Variants in EXOC6B observed in about 807,000 individuals in gnomAD.
The protein encoded by EXOC6B is exocyst complex component 6B.
EXOC6B carries 54 observed loss-of-function variants against 113.5 expected under a neutral mutation model. The observed-to-expected ratio is 0.48, with a 90% CI of 0.38 to 0.60. The LOEUF (loss-of-function observed/expected upper bound fraction) is 0.60. Ranked by LOEUF, EXOC6B falls within the 20% of genes least tolerant of loss-of-function variation. EXOC6B has a pLI of 0.00. For synonymous variants in EXOC6B, 357 were observed against 339.0 expected (o/e 1.05, Z -0.58); for missense variants, 797 against 977.5 (o/e 0.82, Z 2.46).
At chr2:72,608,217 T>C (rs2104060453) in intron 6 of EXOC6B, among the ~76,000 whole-genome samples, 1 of 152,134 alleles carries the variant, frequency 6.6e-6, no homozygotes, top group Admixed American at 6.5e-5. Flanking sequence ...TTTAAGGAAT[T>C]TGGAAAAGCC....
chr2:72,234,524 C>T (rs1681834004), intron 20 of EXOC6B, among the ~76,000 whole-genome samples: 1 of 152,098 alleles, frequency 6.6e-6, no homozygotes, highest in South Asian at 2.1e-4. Flanking sequence ...ATTATGAAAA[C>T]ACCAAAAGCA....
chr2:72,690,658 A>T (rs1047148089), intron 6 of EXOC6B, among the ~76,000 whole-genome samples: 10 of 152,194 alleles, frequency 6.6e-5, no homozygotes, highest in African/African-American at 2.4e-4. Flanking sequence ...CTAAATATAG[A>T]GCCTGTTATA....
intron 20 of EXOC6B, among the ~76,000 whole-genome samples, chr2:72,212,245 T>A (rs745921324): frequency 3.9e-5 from 6 of 152,174 alleles, no homozygotes; most frequent in Non-Finnish European, 8.8e-5. Flanking sequence ...TGTAATGGTA[T>A]CCACCAGCTA....
chr2:72,340,053 C>T (rs1272463371), intron 19 of EXOC6B, among the ~76,000 whole-genome samples: 2 of 152,120 alleles, frequency 1.3e-5, no homozygotes, highest in Non-Finnish European at 2.9e-5. Flanking sequence ...GCTTTCTAGA[C>T]TTCTTGAAGG....
At chr2:72,544,558 T>C (rs1249010308) in intron 8 of EXOC6B, among the ~76,000 whole-genome samples, 1 of 152,138 alleles carries the variant, frequency 6.6e-6, no homozygotes, top group Non-Finnish European at 1.5e-5. Context: ...GTTTAACTTT[T>C]CTTTTTTTGG....
At chr2:72,563,518 C>CA (rs1425439188) in intron 7 of EXOC6B, among the ~76,000 whole-genome samples, 3 of 151,512 alleles carry the variant, frequency 2.0e-5, no homozygotes, top group East Asian at 1.9e-4. Context: ...GTATAGATGA[C>CA]AAAAAAGAGT....
chr2:72,627,272 A>T (rs533037176), intron 6 of EXOC6B, among the ~76,000 whole-genome samples: 20 of 152,306 alleles, frequency 1.3e-4, no homozygotes, highest in African/African-American at 4.8e-4. Flanking sequence ...AAGTCAAACC[A>T]AATTCCTTCT....
chr2:72,825,575 G>A lies in EXOC6B; in HGVS notation c.113+223C>T, dbSNP rs558736551. ...GGAGAACGAAGGCTGCTCCTGCCCC[G>A]AGGGAGGCAGCGGGAGGGTCCTGAG... is the stretch of plus-strand genomic sequence containing the variant. On this transcript the variant is annotated intron_variant, in intron 1 of 21. Transcript: ENST00000272427. The surrounding 1 kb of genome is among the most constrained non-coding windows in gnomAD (Gnocchi z 4.4). Among the ~76,000 whole-genome samples, 29 of 152,318 alleles carry A rather than the reference G, an allele frequency of 1.9e-4. No homozygotes were observed. The East Asian group carries it at 4.6e-3, about 24-fold the overall frequency.
intron 6 of EXOC6B, among the ~76,000 whole-genome samples, chr2:72,668,104 T>C (rs1260730093): frequency 6.6e-6 from 1 of 152,068 alleles, no homozygotes; most frequent in East Asian, 1.9e-4. Context: ...CCAACAAACA[T>C]ATGAAACAAT....
intron 8 of EXOC6B, among the ~76,000 whole-genome samples, chr2:72,523,511 G>A (rs942344011): frequency 6.6e-6 from 1 of 152,142 alleles, no homozygotes; most frequent in Non-Finnish European, 1.5e-5. Context: ...GGGCGCGGTG[G>A]CTCACGCCTG....
chr2:72,352,217 C>T (rs1210338921), intron 19 of EXOC6B, among the ~76,000 whole-genome samples: 1 of 152,128 alleles, frequency 6.6e-6, no homozygotes, highest in African/African-American at 2.4e-5. Context: ...CCTCAATTCA[C>T]CCATCCAAAT....
chr2:72,232,574 C>T (rs1681694559), intron 20 of EXOC6B, among the ~76,000 whole-genome samples: 1 of 151,926 alleles, frequency 6.6e-6, no homozygotes, highest in Admixed American at 6.6e-5. Context: ...AATGCTTAAC[C>T]ACAGAAAAGT....
intron 18 of EXOC6B, among the ~76,000 whole-genome samples, chr2:72,439,882 T>G (rs1056885588): frequency 6.6e-6 from 1 of 152,354 alleles, no homozygotes; most frequent in African/African-American, 2.4e-5. Context: ...TTCAGATTGC[T>G]GACCTTTGGA....
chr2:72,276,668 G>A (rs550434941), intron 20 of EXOC6B, among the ~76,000 whole-genome samples: 27 of 152,198 alleles, frequency 1.8e-4, no homozygotes, highest in African/African-American at 5.5e-4. Flanking sequence ...ATTTCACAGA[G>A]CTAAGCTGAT....
chr2:72,549,439 G>T (rs541563022), intron 8 of EXOC6B, among the ~76,000 whole-genome samples: 1 of 152,258 alleles, frequency 6.6e-6, no homozygotes, highest in Admixed American at 6.5e-5. Context: ...GAGTAAAACT[G>T]TATTTAGGAA....
intron 1 of EXOC6B, among the ~76,000 whole-genome samples, chr2:72,782,662 T>C (rs1410910084): frequency 1.3e-5 from 2 of 152,180 alleles, no homozygotes; most frequent in Non-Finnish European, 2.9e-5. Context: ...ATTAACCAGC[T>C]TCTTTTTATT....
chr2:72,661,684 T>C (rs1192439108), intron 6 of EXOC6B, among the ~76,000 whole-genome samples: 2 of 152,076 alleles, frequency 1.3e-5, no homozygotes, highest in Non-Finnish European at 2.9e-5. Context: ...GGAATTTTTA[T>C]AGATAGAAAC....
At chr2:72,355,298 T>C (rs976857521) in intron 19 of EXOC6B, among the ~76,000 whole-genome samples, 5 of 151,866 alleles carry the variant, frequency 3.3e-5, no homozygotes, top group African/African-American at 1.2e-4. Flanking sequence ...TAAATTCAAA[T>C]GAGAATTTTG....
intron 17 of EXOC6B, among the ~76,000 whole-genome samples, chr2:72,473,809 T>C (rs558704923): frequency 2.6e-5 from 4 of 152,256 alleles, no homozygotes; most frequent in African/African-American, 9.6e-5. Context: ...TAGTACTATT[T>C]GAGTCCTTTC....
Sources: allele counts gnomAD v4.1 joint callset (sites outside exome capture counted in the v4.1 genomes callset), GRCh38; gene constraint gnomAD v4.1.1; non-coding constraint Gnocchi (gnomAD v3.1); transcripts MANE v1.5; gene names NCBI Gene and HGNC (gene_info 2026-07-23, HGNC 2026-07-21).